Variants in STAU2 observed in about 807,000 individuals in gnomAD.
STAU2 encodes double-stranded RNA-binding protein Staufen homolog 2.
STAU2 carries 20 observed loss-of-function variants against 65.9 expected under a neutral mutation model. That is an observed-to-expected ratio of 0.30 (90% CI 0.21 to 0.44). The LOEUF is 0.44. STAU2 is among the 20% of genes least tolerant of loss of function. The pLI, the probability that STAU2 is intolerant of heterozygous loss-of-function variation, is 1.00. For missense variants in STAU2, 558 were observed against 683.9 expected, an observed-to-expected ratio of 0.82 and a Z score of 2.05; for synonymous variants, 232 against 233.9, an observed-to-expected ratio of 0.99 and a Z score of 0.07.
chr8:73,711,224 G>C (rs78461012), intron 3 of STAU2, among the ~76,000 whole-genome samples: 2 of 150,432 alleles, frequency 1.3e-5, no homozygotes, highest in Non-Finnish European at 3.0e-5. Context: ...GAGAAAACCT[G>C]CATTTTACCT....
chr8:73,494,328 T>C (rs1006970066), intron 13 of STAU2, among the ~76,000 whole-genome samples: 5 of 151,656 alleles, frequency 3.3e-5, no homozygotes, highest in Admixed American at 1.3e-4. Flanking sequence ...TGAACAAATA[T>C]AGCAAAATAT....
intron 3 of STAU2, among the ~76,000 whole-genome samples, chr8:73,720,499 C>CTTTTTT (rs1174035145): frequency 0.046 from 1,795 of 39,038 alleles, 549 homozygotes; most frequent in Non-Finnish European, 0.057. Flanking sequence ...AAAATACTTT[C>CTTTTTT]TTTTTTTTTT....
At chr8:73,632,316 T>C (rs1018557612) in intron 6 of STAU2, among the ~76,000 whole-genome samples, 7 of 150,590 alleles carry the variant, frequency 4.6e-5, no homozygotes, top group African/African-American at 1.7e-4. Context: ...GCCTGCCACA[T>C]ACTCTTACAA....
intron 9 of STAU2, among the ~76,000 whole-genome samples, chr8:73,608,612 T>TTA (rs1554549388): frequency 4.4e-5 from 6 of 136,290 alleles, no homozygotes; most frequent in Non-Finnish European, 9.3e-5. Flanking sequence ...CTCCGTCCCA[T>TTA]AAAAAAAAAA....
intron 13 of STAU2, among the ~76,000 whole-genome samples, chr8:73,459,902 C>T (rs1819259414): frequency 6.6e-6 from 1 of 152,162 alleles, no homozygotes; most frequent in African/African-American, 2.4e-5. Context: ...GGCACGGCTC[C>T]TTTGACTCTT....
At chr8:73,705,036 A>G (rs1198530482) in intron 4 of STAU2, among the ~76,000 whole-genome samples, 1 of 152,184 alleles carries the variant, frequency 6.6e-6, no homozygotes, top group Non-Finnish European at 1.5e-5. Flanking sequence ...ATTTATTTTC[A>G]GTGCAGGAAC....
chr8:73,713,965 G>A (rs1381679865), intron 3 of STAU2, among the ~76,000 whole-genome samples: 14 of 151,974 alleles, frequency 9.2e-5, no homozygotes, highest in East Asian at 1.9e-4. Flanking sequence ...GTGCAAGGGC[G>A]CGATCTCGGC....
intron 1 of STAU2, among the ~76,000 whole-genome samples, chr8:73,745,876 GCCTC>G (rs1807233664): frequency 6.6e-6 from 1 of 151,614 alleles, no homozygotes; most frequent in Non-Finnish European, 1.5e-5. Flanking sequence ...TACCCCCACC[GCCTC>G]CCTAAGAATC....
chr8:73,516,859 A>G (rs1362965051), intron 13 of STAU2, among the ~76,000 whole-genome samples: 2 of 152,218 alleles, frequency 1.3e-5, no homozygotes, highest in African/African-American at 4.8e-5. Flanking sequence ...TCACTTTAAA[A>G]AAGTCTATAT....
chr8:73,694,416 G>A (rs1202829550), intron 4 of STAU2, among the ~76,000 whole-genome samples: 1 of 152,170 alleles, frequency 6.6e-6, no homozygotes, highest in African/African-American at 2.4e-5. Context: ...CATTTACCAA[G>A]ACAGACCATA....
At chr8:73,527,297 C>A in intron 13 of STAU2, 1 of 164,054 alleles carries the variant, frequency 6.1e-6, no homozygotes, top group Admixed American at 5.8e-5. Context: ...TGACGCATCA[C>A]TGTACATTCT....
intron 6 of STAU2, among the ~76,000 whole-genome samples, chr8:73,664,993 AAAT>A (rs1251972513): frequency 6.6e-6 from 1 of 152,160 alleles, no homozygotes; most frequent in Non-Finnish European, 1.5e-5. Context: ...CTGTCTCAAA[AAAT>A]AATAATAATA....
At chr8:73,436,250 C>T (rs571884987) in intron 13 of STAU2, among the ~76,000 whole-genome samples, 11 of 151,642 alleles carry the variant, frequency 7.3e-5, no homozygotes, top group African/African-American at 2.7e-4. Flanking sequence ...GAAATAGAGG[C>T]CCCAGCATAA....
At chr8:73,567,411 G>A (rs1808689139) in intron 12 of STAU2, among the ~76,000 whole-genome samples, 1 of 152,142 alleles carries the variant, frequency 6.6e-6, no homozygotes, top group South Asian at 2.1e-4. Flanking sequence ...GGAGGCTGAG[G>A]CAGAAGAATC....
intron 13 of STAU2, among the ~76,000 whole-genome samples, chr8:73,424,272 C>T (rs1816632328): frequency 7.1e-6 from 1 of 141,524 alleles, no homozygotes; most frequent in African/African-American, 2.7e-5. Context: ...ACGATCTGGG[C>T]TCACTGCAAC....
chr8:73,719,924 C>T (rs568794085), intron 3 of STAU2, among the ~76,000 whole-genome samples: 4 of 152,070 alleles, frequency 2.6e-5, no homozygotes, highest in South Asian at 4.2e-4. Flanking sequence ...TGAAACTATC[C>T]GGACCTAGAG....
chr8:73,608,516 C>T (rs1004830554), intron 9 of STAU2, among the ~76,000 whole-genome samples: 14 of 150,230 alleles, frequency 9.3e-5, no homozygotes, highest in Non-Finnish European at 1.6e-4. Context: ...CTGAGGAAGG[C>T]AGGAGAATTG....
chr8:73,651,832 G>A (rs1284102837), intron 6 of STAU2, among the ~76,000 whole-genome samples: 2 of 152,262 alleles, frequency 1.3e-5, no homozygotes, highest in African/African-American at 2.4e-5. Flanking sequence ...ACAGGTCTGT[G>A]CAGATTGCAC....
At chr8:73,579,128 A>G (rs541009221) in intron 12 of STAU2, among the ~76,000 whole-genome samples, 1 of 152,266 alleles carries the variant, frequency 6.6e-6, no homozygotes, top group African/African-American at 2.4e-5. Flanking sequence ...GTTTAATAAT[A>G]CATGCATATG....
Sources: gnomAD v4.1 joint callset for allele counts (sites outside exome capture counted in the v4.1 genomes callset) on GRCh38, gnomAD v4.1.1 for gene constraint, MANE v1.5 for transcripts, NCBI Gene and HGNC (gene_info 2026-07-23, HGNC 2026-07-21) for gene names.